The following ADARB1 variants were observed in gnomAD, a reference collection of about 807,000 sequenced individuals.
The protein encoded by ADARB1 is double-stranded RNA-specific editase 1.
A neutral mutation model predicts 52.4 loss-of-function variants in ADARB1; 10 were observed. That is an observed-to-expected ratio of 0.19 (90% CI 0.12 to 0.32). The LOEUF is 0.32. Among genes scored for constraint, ADARB1 ranks in the 10% least tolerant of loss-of-function variants. ADARB1 has a pLI of 1.00. For missense variants in ADARB1, 643 were observed against 922.3 expected (o/e 0.70, Z 3.92); for synonymous variants, 349 against 371.1 (o/e 0.94, Z 0.68).
chr21:45,107,232 C>T (rs1021130272), intron 1 of ADARB1, among the ~76,000 whole-genome samples: 1 of 152,102 alleles, frequency 6.6e-6, no homozygotes, highest in African/African-American at 2.4e-5. Context: ...TCGCCTTGAG[C>T]AGGTGAAGAC....
At chr21:45,203,124 C>T (rs893845113) in intron 8 of ADARB1, among the ~76,000 whole-genome samples, 1 of 152,230 alleles carries the variant, frequency 6.6e-6, no homozygotes, top group Non-Finnish European at 1.5e-5. Context: ...GATTGGGCCA[C>T]TCCAGAGGCC....
chr21:45,075,557 G>C (rs1243232903), intron 1 of ADARB1, among the ~76,000 whole-genome samples: 1 of 152,252 alleles, frequency 6.6e-6, no homozygotes, highest in Admixed American at 6.5e-5. Context: ...TGCAGCGATC[G>C]GGAGCAATCT....
chr21:45,215,588 C>T (rs1179002391), intron 9 of ADARB1, among the ~76,000 whole-genome samples: 8 of 151,598 alleles, frequency 5.3e-5, no homozygotes, highest in Non-Finnish European at 1.2e-4. Context: ...GTAGTGAGAC[C>T]CCATCTGAAA....
At chr21:45,196,287 C>A (rs2092423615) in intron 8 of ADARB1, among the ~76,000 whole-genome samples, 1 of 151,434 alleles carries the variant, frequency 6.6e-6, no homozygotes, top group African/African-American at 2.4e-5. Context: ...AAGTGGATAT[C>A]CCTGTGCAGA....
intron 2 of ADARB1, among the ~76,000 whole-genome samples, chr21:45,129,576 C>T (rs368271195): frequency 6.6e-6 from 1 of 152,220 alleles, no homozygotes; most frequent in African/African-American, 2.4e-5. Flanking sequence ...AGGGACCAGG[C>T]GCTCGCTTGG....
chr21:45,185,175 A>G, intron 8 of ADARB1, 84 bp downstream of exon 8: 1 of 1,514,642 alleles, frequency 6.6e-7, no homozygotes, highest in South Asian at 1.3e-5. Flanking sequence ...TTCCACAACC[A>G]TTTGAATTTT....
chr21:45,213,382 T>G (rs775912818), intron 9 of ADARB1, among the ~76,000 whole-genome samples: 3 of 152,216 alleles, frequency 2.0e-5, no homozygotes, highest in Non-Finnish European at 4.4e-5. Context: ...TTTAGTGTCT[T>G]TTCACAACTT....
chr21:45,094,036 T>C (rs1273236609), intron 1 of ADARB1, among the ~76,000 whole-genome samples: 1 of 152,258 alleles, frequency 6.6e-6, no homozygotes, highest in Non-Finnish European at 1.5e-5. Context: ...TAACTTTTTT[T>C]ATTTACAGGA....
At chr21:45,082,506 A>G (rs1041422794) in intron 1 of ADARB1, among the ~76,000 whole-genome samples, 6 of 152,202 alleles carry the variant, frequency 3.9e-5, no homozygotes, top group Non-Finnish European at 7.3e-5. Flanking sequence ...TATTAGGTAG[A>G]ACTGGCTCTT....
chr21:45,225,367 TC>T lies in ADARB1; in HGVS notation c.*3172del. 8.0e-7 allele frequency: 1 copy of T among 1,247,400 alleles called. No individual in the cohort carries two copies. The highest frequency in any genetic ancestry group is 1.0e-6 in the Non-Finnish European group (1 of 994,902). 77.3% of individuals were successfully genotyped at this position (1,247,400 alleles called of 1,614,324 possible). ...CTTAATTTAACTTTTCATCATCTTT[TC>T]CTATTTTGGAGAATTTTTTGTAATT... On this transcript the variant is annotated 3_prime_UTR_variant, in exon 11 of 11. Coordinates refer to ENST00000348831, the MANE Select transcript of ADARB1 (RefSeq NM_001112.4).
At chr21:45,146,780 CA>C (rs2090029754) in intron 2 of ADARB1, among the ~76,000 whole-genome samples, 1 of 152,178 alleles carries the variant, frequency 6.6e-6, no homozygotes, top group Admixed American at 6.5e-5. Context: ...ATAAAGAATC[CA>C]GAGCTCAGAC....
chr21:45,139,793 T>A (rs1052878110), intron 2 of ADARB1, among the ~76,000 whole-genome samples: 8 of 152,236 alleles, frequency 5.3e-5, no homozygotes, highest in Non-Finnish European at 1.2e-4. Flanking sequence ...CCCATTTAAT[T>A]CATTCTTCTT....
intron 2 of ADARB1, among the ~76,000 whole-genome samples, chr21:45,165,228 G>C (rs1318097467): frequency 6.7e-6 from 1 of 149,632 alleles, no homozygotes; most frequent in African/African-American, 2.5e-5. Context: ...GGACCACTGA[G>C]GTGTTAGTGC....
rs538787560 is a variant in ADARB1, at chr21:45,204,523, T to C, written c.1566-32T>C. On this transcript the variant is annotated intron_variant, in intron 8 of 10. Coordinates refer to ENST00000348831, the MANE Select transcript of ADARB1 (RefSeq NM_001112.4). This position sits in a 1 kb window ranked among gnomAD's most constrained non-coding sequence, Gnocchi z 4.4. The stretch of plus-strand genomic sequence containing the variant: ...GGCTGCGTCGACACTGAGTCCGAGC[T>C]CCCTGAAGACTGTGCTTTCTTCTCC... The C allele has an allele frequency of 1.9e-6, 3 of 1,608,688 alleles. No homozygotes were observed. In the African/African-American group the frequency reaches 4.0e-5, roughly 21 times the overall value.
intron 1 of ADARB1, chr21:45,100,474 GCA>G (rs1292553250): frequency 6.6e-6 from 1 of 152,220 alleles, no homozygotes; most frequent in African/African-American, 2.4e-5. Flanking sequence ...AGGAGGCCTC[GCA>G]CACTACCTGG....
At chr21:45,108,277 A>C (rs1266945246) in intron 1 of ADARB1, among the ~76,000 whole-genome samples, 13 of 152,244 alleles carry the variant, frequency 8.5e-5, no homozygotes, top group Non-Finnish European at 1.8e-4. Flanking sequence ...CACTTTACCA[A>C]GATACCATTT....
At chr21:45,202,341 T>C (rs1274065040) in intron 8 of ADARB1, among the ~76,000 whole-genome samples, 4 of 152,178 alleles carry the variant, frequency 2.6e-5, no homozygotes, top group African/African-American at 9.7e-5. Flanking sequence ...GAGTGGGGAC[T>C]GAGCAGCTGG....
At position 45,176,467 on chromosome 21, in the gene ADARB1, G is replaced by C. The variant is rs753903571; in HGVS notation, c.766G>C (p.Gly256Arg). 6.2e-7 allele frequency: 1 copy of C among 1,614,174 alleles called. No individual in the cohort carries two copies. Among genetic ancestry groups the C allele is most frequent in the Non-Finnish European group, 8.5e-7 (1 of 1,180,044 alleles). Residue 256 changes from glycine (G) to arginine (R), a missense_variant, in exon 4 of 11, where the codon GGG becomes CGG. Around this residue, in one of 2 missense-constraint regions of ADARB1, gnomAD observed 380 missense variants for 446.5 expected, o/e 0.85. Coordinates refer to ENST00000348831, the MANE Select transcript of ADARB1 (RefSeq NM_001112.4). This position sits in a 1 kb window ranked among gnomAD's most constrained non-coding sequence, Gnocchi z 5.8. ...CAAGTATGACTTCCTCTCCGAGAGC[G>C]GGGAGAGCCATGCCAAGAGCTTCGT... ...GLKYDFLSES[G>R]ESHAKSFVMS...
At chr21:45,082,822 C>T (rs1217508849) in intron 1 of ADARB1, among the ~76,000 whole-genome samples, 1 of 152,196 alleles carries the variant, frequency 6.6e-6, no homozygotes, top group Non-Finnish European at 1.5e-5. Context: ...TCTCTTCTTC[C>T]ACTTCTGGTC....
Sources: allele counts gnomAD v4.1 joint callset (sites outside exome capture counted in the v4.1 genomes callset), GRCh38; gene constraint gnomAD v4.1.1; regional missense constraint gnomAD v4.1.1; non-coding constraint Gnocchi (gnomAD v3.1); transcripts MANE v1.5; gene names NCBI Gene and HGNC (gene_info 2026-07-23, HGNC 2026-07-21).